The following SLC1A4 variants were observed in gnomAD, a reference collection of about 807,000 sequenced individuals.
The protein encoded by SLC1A4 is neutral amino acid transporter A.
In SLC1A4, 19 loss-of-function variants were observed where a neutral mutation model predicts 37.7. That is an observed-to-expected ratio of 0.50 (90% confidence interval 0.35 to 0.74). The LOEUF is 0.74. Among genes scored for constraint, SLC1A4 ranks in the 30% least tolerant of loss-of-function variants. SLC1A4 has a pLI of 0.01. For synonymous variants in SLC1A4, 299 were observed against 309.8 expected (o/e 0.97, Z 0.37); for missense variants, 570 against 712.9 (o/e 0.80, Z 2.28).
intron 3 of SLC1A4, among the ~76,000 whole-genome samples, chr2:65,008,188 G>A (rs1038631828): frequency 6.6e-6 from 1 of 152,170 alleles, no homozygotes; most frequent in Non-Finnish European, 1.5e-5. Flanking sequence ...CAGCCCCAAG[G>A]TCATCACCAG....
At chr2:64,994,554 C>T (rs572461326) in intron 1 of SLC1A4, among the ~76,000 whole-genome samples, 118 of 152,238 alleles carry the variant, frequency 7.8e-4, no homozygotes, top group African/African-American at 2.5e-3. Context: ...TTTCACTGCT[C>T]GTGCTAATTT....
rs768379704 is a variant in SLC1A4, at chr2:64,990,102, G to A, written c.459G>A (p.Leu153=). 1 of 1,610,698 alleles carries A rather than the reference G, an allele frequency of 6.2e-7. No homozygotes were observed. Among genetic ancestry groups the A allele is most frequent in the Non-Finnish European group, 8.5e-7 (1 of 1,178,766 alleles). The change falls in exon 1 of 8, where the codon CTG becomes CTA. Residue 153 remains leucine (L), a synonymous_variant. Coordinates refer to ENST00000234256, the MANE Select transcript of SLC1A4 (RefSeq NM_003038.5). ...SGAQTLQSSD[L]GLEDSGPPPV... is the part of the protein sequence containing the mutation. ...CGCAGACCCTTCAGTCCAGCGACCT[G>A]GGGCTGGAGGACTCGGGGCCTCCTC... is the stretch of plus-strand genomic sequence containing the variant.
rs1674240361 is a variant in SLC1A4, at chr2:65,018,177, G to A, written c.1141G>A (p.Gly381Arg). 5 of 1,614,152 alleles carry A rather than the reference G, an allele frequency of 3.1e-6. No individual in the cohort carries two copies. Among genetic ancestry groups the A allele is most frequent in the Non-Finnish European group, 4.2e-6 (5 of 1,180,024 alleles). Reference protein sequence around the residue: ...LPIGATVNMDGAAIFQCVAAV... With the variant: ...LPIGATVNMDRAAIFQCVAAV... ...CATCGGGGCCACCGTGAACATGGAC[G>A]GAGCAGCCATCTTCCAGTGTGTGGC... is the stretch of plus-strand genomic sequence containing the variant. The change falls in exon 6 of 8, where the codon GGA becomes AGA. Residue 381 changes from glycine (G) to arginine (R), a missense_variant. Transcript: ENST00000234256. This position sits in a 1 kb window ranked among gnomAD's most constrained non-coding sequence, Gnocchi z 4.3.
At chr2:65,008,009 C>T (rs1001090792) in intron 3 of SLC1A4, among the ~76,000 whole-genome samples, 4 of 152,162 alleles carry the variant, frequency 2.6e-5, no homozygotes, top group African/African-American at 9.7e-5. Context: ...CCTCTCGTAA[C>T]CACCAATCTA....
intron 2 of SLC1A4, among the ~76,000 whole-genome samples, chr2:65,003,611 A>G (rs1013763046): frequency 2.6e-5 from 4 of 152,258 alleles, no homozygotes; most frequent in African/African-American, 9.6e-5. Context: ...AAGGTTATTC[A>G]AATAATATGA....
intron 2 of SLC1A4, among the ~76,000 whole-genome samples, chr2:65,001,871 AAAG>A (rs1251091887): frequency 1.3e-5 from 2 of 152,256 alleles, no homozygotes; most frequent in African/African-American, 4.8e-5. Flanking sequence ...AATAAAATAC[AAAG>A]AAGTGTCAGA....
In SLC1A4 at chr2:65,018,722, A is replaced by G. The variant is rs1299035290; in HGVS notation, c.1364+43A>G. On this transcript the variant is annotated intron_variant, in intron 7 of 7. Transcript: ENST00000234256. This position sits in a 1 kb window ranked among gnomAD's most constrained non-coding sequence, Gnocchi z 4.3. ...AGAACACCAAAAAGAGTCTGCACTG[A>G]GTTCCCTAGGAGCTTAGCACTGCTG... 1.2e-6 allele frequency: 2 copies of G among 1,610,086 alleles called. No individual in the cohort carries two copies. Among genetic ancestry groups the G allele is most frequent in the Admixed American group, 3.3e-5 (2 of 59,900 alleles).
At chr2:65,020,818 A>G in intron 7 of SLC1A4, 94 bp from the exon 8 acceptor site, 2 of 985,726 alleles carry the variant, frequency 2.0e-6, no homozygotes, top group Non-Finnish European at 3.2e-6. Flanking sequence ...AGGGCCCCTC[A>G]CAATCATGAC....
chr2:65,013,905 T>G (rs1162011775), intron 4 of SLC1A4, among the ~76,000 whole-genome samples: 2 of 152,198 alleles, frequency 1.3e-5, no homozygotes, highest in Non-Finnish European at 2.9e-5. Flanking sequence ...ACTCTGCCAC[T>G]GTAGGAGAAA....
At chr2:65,013,817 A>C (rs1674018347) in intron 4 of SLC1A4, among the ~76,000 whole-genome samples, 1 of 152,154 alleles carries the variant, frequency 6.6e-6, no homozygotes, top group African/African-American at 2.4e-5. Context: ...TACACTATTC[A>C]CAGAAATAAC....
At chr2:65,000,918 A>G (rs1275862266) in intron 1 of SLC1A4, 1 of 152,440 alleles carries the variant, frequency 6.6e-6, no homozygotes, top group Non-Finnish European at 1.5e-5. Context: ...CAACAACAAA[A>G]ACGCCCTTGG....
At position 64,989,407 on chromosome 2, in the gene SLC1A4, C is replaced by G. The variant is rs1672947497; in HGVS notation, c.-237C>G. The G allele has an allele frequency of 8.0e-6, 3 of 376,298 alleles. No homozygotes were observed. The highest frequency in any genetic ancestry group is 9.4e-6 in the Non-Finnish European group (2 of 212,670). The allele number at this position is 376,298 out of a possible 1,614,324, so 23.3% of individuals were successfully genotyped here. A position where few individuals can be genotyped will look rare whatever the true frequency, so the allele number is the denominator to read the frequency against. ...CGGCTCCCGTTTGCATCATCTCCAG[C>G]CGGCGGCTGCTCCAGGGAGGCTGGG... On this transcript the variant is annotated 5_prime_UTR_variant, in exon 1 of 8. Coordinates refer to ENST00000234256, the MANE Select transcript of SLC1A4 (RefSeq NM_003038.5).
In SLC1A4 at chr2:65,022,407, A is replaced by C. The variant is rs1674462780; in HGVS notation, c.*1261A>C. ...GTGATGTAACAGGTCCTGGGGCCTC[A>C]CTTTACCCCATTTGTAAAATGGGGC... On this transcript the variant is annotated 3_prime_UTR_variant, in exon 8 of 8. Transcript: ENST00000234256. 2 of 152,244 alleles carry C rather than the reference A, an allele frequency of 1.3e-5. No homozygotes were observed. The highest frequency in any genetic ancestry group is 3.8e-4 in the East Asian group (2 of 5,200). The allele number at this position is 152,244 out of a possible 1,614,324, so 9.4% of individuals were successfully genotyped here.
intron 4 of SLC1A4, among the ~76,000 whole-genome samples, chr2:65,012,144 C>G (rs1270862470): frequency 7.9e-5 from 12 of 151,410 alleles, no homozygotes; most frequent in Admixed American, 7.9e-4. Context: ...GGCTGGAGTG[C>G]AGTGGTGCAA....
intron 1 of SLC1A4, among the ~76,000 whole-genome samples, chr2:64,997,635 T>C (rs1673306621): frequency 6.6e-6 from 1 of 152,240 alleles, no homozygotes; most frequent in South Asian, 2.1e-4. Flanking sequence ...TGTTGTTGCG[T>C]ATATCACTTG....
At chr2:64,997,560 C>T (rs1487805758) in intron 1 of SLC1A4, among the ~76,000 whole-genome samples, 1 of 152,212 alleles carries the variant, frequency 6.6e-6, no homozygotes, top group African/African-American at 2.4e-5. Flanking sequence ...TCAACAGAAT[C>T]ATTCAGTATG....
intron 1 of SLC1A4, among the ~76,000 whole-genome samples, chr2:64,991,262 AAGAG>A (rs757106939): frequency 2.0e-5 from 3 of 151,656 alleles, no homozygotes; most frequent in Non-Finnish European, 2.9e-5. Flanking sequence ...GTCTGCACTT[AAGAG>A]AGAGATTGTT....
At chr2:65,010,984 A>G (rs914990643) in intron 4 of SLC1A4, among the ~76,000 whole-genome samples, 4 of 152,178 alleles carry the variant, frequency 2.6e-5, no homozygotes, top group African/African-American at 7.2e-5. Context: ...CACACTTACC[A>G]GTCACTTCCT....
intron 2 of SLC1A4, 137 bp from the exon 3 acceptor site, chr2:65,003,816 C>A: frequency 1.6e-6 from 1 of 642,620 alleles, no homozygotes; most frequent in South Asian, 2.0e-5. Flanking sequence ...TTTGTCAGGC[C>A]AGCCAAGTGA....
Sources: gnomAD v4.1 joint callset for allele counts (sites outside exome capture counted in the v4.1 genomes callset) on GRCh38, gnomAD v4.1.1 for gene constraint, Gnocchi (gnomAD v3.1) non-coding constraint, MANE v1.5 for transcripts, NCBI Gene and HGNC (gene_info 2026-07-23, HGNC 2026-07-21) for gene names.